SMARCAD1: variants seen among roughly 807,000 people sequenced by gnomAD.
SMARCAD1 encodes SNF2 related chromatin remodeling ATPase with DExD box 1.
A neutral mutation model predicts 127.1 loss-of-function variants in SMARCAD1; 25 were observed. That is an observed-to-expected ratio of 0.20 (90% confidence interval 0.14 to 0.27). The LOEUF (loss-of-function observed/expected upper bound fraction) is 0.27, where lower values mean the gene tolerates loss of function less well. Ranked by LOEUF, SMARCAD1 falls within the 10% of genes least tolerant of loss-of-function variation. The pLI, the probability that SMARCAD1 is intolerant of heterozygous loss-of-function variation, is 1.00. For synonymous variants in SMARCAD1, 400 were observed against 396.9 expected (o/e 1.01, Z -0.09); for missense variants, 807 against 1,206.0 (o/e 0.67, Z 4.90).
intron 2 of SMARCAD1, among the ~76,000 whole-genome samples, chr4:94,217,886 A>C (rs1285568281): frequency 6.6e-6 from 1 of 152,222 alleles, no homozygotes; most frequent in Non-Finnish European, 1.5e-5. Flanking sequence ...TGTATTGCTT[A>C]TAGTAAGAGC....
At chr4:94,288,587 CAG>C (rs1755285828) in intron 23 of SMARCAD1, among the ~76,000 whole-genome samples, 1 of 151,666 alleles carries the variant, frequency 6.6e-6, no homozygotes, top group South Asian at 2.1e-4. Context: ...GTTTTTTTAA[CAG>C]AGAAAAGAAG....
At chr4:94,229,868 T>C (rs1202266863) in intron 3 of SMARCAD1, among the ~76,000 whole-genome samples, 3 of 151,858 alleles carry the variant, frequency 2.0e-5, no homozygotes, top group Non-Finnish European at 4.4e-5. Context: ...ACAGGTCTTT[T>C]CTTTGCCTCT....
Position 94,280,743 on chromosome 4 carries a change from G to T in SMARCAD1, c.2570G>T (p.Arg857Leu). 6.2e-7 allele frequency: 1 copy of T among 1,613,580 alleles called. No homozygotes were observed. Among genetic ancestry groups the T allele is most frequent in the South Asian group, 1.1e-5 (1 of 91,034 alleles). The change falls in exon 20 of 24, where the codon CGA becomes CTA. Residue 857 changes from arginine (R) to leucine (L), a missense_variant. By Grantham distance (102) the Arg-to-Leu change is moderately radical. Transcript: ENST00000354268. ...MDLILDSGKF[R>L]VLGCILSELK... Reference sequence around the variant, plus strand: ...TTGATTTTAGATTCTGGAAAATTTCGAGTTTTAGGATGCATCTTGTCTGAA... The same window carrying T: ...TTGATTTTAGATTCTGGAAAATTTCTAGTTTTAGGATGCATCTTGTCTGAA...
rs1353447363 is a variant in SMARCAD1 at position 94,261,961 on chromosome 4, T to C, written c.1282-2746T>C. On this transcript the variant is annotated intron_variant, in intron 9 of 23. Transcript: ENST00000354268. ...CTTAACACTTCACTTTTTGAAATTA[T>C]TTCTTCCTTGGCTTCTCTGATACCA... Among the ~76,000 whole-genome samples the C allele has an allele frequency of 2.0e-5, 3 of 152,230 alleles. No individual in the cohort carries two copies. The East Asian group carries it at 5.8e-4, about 29-fold the overall frequency.
chr4:94,259,688 G>C (rs1318022126), intron 9 of SMARCAD1, among the ~76,000 whole-genome samples: 1 of 152,136 alleles, frequency 6.6e-6, no homozygotes, highest in East Asian at 1.9e-4. Context: ...GTTATTACAA[G>C]AAATTTAAGC....
chr4:94,247,010 T>A (rs1748532673), intron 6 of SMARCAD1, among the ~76,000 whole-genome samples: 4 of 152,220 alleles, frequency 2.6e-5, no homozygotes, highest in African/African-American at 9.6e-5. Flanking sequence ...TACTCTTAAA[T>A]ACTTGCAAGA....
intron 12 of SMARCAD1, 37 bp downstream of exon 12, chr4:94,273,753 C>T: frequency 6.6e-7 from 1 of 1,515,098 alleles, no homozygotes; most frequent in Non-Finnish European, 9.2e-7. Flanking sequence ...TTAACTTTAT[C>T]ATGTTTTATA....
At chr4:94,243,685 G>T (rs527330069) in intron 6 of SMARCAD1, among the ~76,000 whole-genome samples, 8 of 152,296 alleles carry the variant, frequency 5.3e-5, no homozygotes, top group Admixed American at 4.6e-4. Flanking sequence ...AGAAATAGTA[G>T]GTGATCATAG....
At chr4:94,235,187 C>T (rs796956946) in intron 4 of SMARCAD1, among the ~76,000 whole-genome samples, 2 of 146,900 alleles carry the variant, frequency 1.4e-5, no homozygotes, top group Non-Finnish European at 3.0e-5. Context: ...AGCAGTCACT[C>T]TCCAGTTTTG....
chr4:94,259,340 C>A (rs1750605520), intron 9 of SMARCAD1, among the ~76,000 whole-genome samples: 1 of 152,198 alleles, frequency 6.6e-6, no homozygotes, highest in Non-Finnish European at 1.5e-5. Context: ...TTTACTGTCA[C>A]AGCAGAATCT....
Position 94,289,462 on chromosome 4 carries a change from C to T in SMARCAD1, c.3020-11C>T. On this transcript the variant is annotated splice_polypyrimidine_tract_variant and intron_variant, in intron 23 of 23. Coordinates refer to ENST00000354268, the MANE Select transcript of SMARCAD1 (RefSeq NM_020159.5). ...TTTATAAAGCTTTTAATGCTACTTTCTGACCTACAGGTGATGAAGGGAGTA... is the reference window on the plus strand; with the variant it reads ...TTTATAAAGCTTTTAATGCTACTTTTTGACCTACAGGTGATGAAGGGAGTA... 1 of 1,608,696 alleles carries T rather than the reference C, an allele frequency of 6.2e-7. No individual in the cohort carries two copies.
At chr4:94,230,822 A>C (rs188707764) in intron 3 of SMARCAD1, among the ~76,000 whole-genome samples, 1 of 152,302 alleles carries the variant, frequency 6.6e-6, no homozygotes, top group African/African-American at 2.4e-5. Context: ...CAGTTGAAGA[A>C]GGTGAACAAA....
intron 6 of SMARCAD1, 111 bp downstream of exon 6, chr4:94,241,117 T>C: frequency 1.3e-6 from 1 of 749,984 alleles, no homozygotes; most frequent in South Asian, 1.5e-5. Context: ...TTCCTTTCTA[T>C]CACAACTAAG....
chr4:94,253,816 G>T, intron 9 of SMARCAD1: 1 of 542,860 alleles, frequency 1.8e-6, no homozygotes, highest in Non-Finnish European at 2.4e-6. Context: ...CTTAAATTTT[G>T]CTTCAACCCT....
Position 94,250,763 on chromosome 4 carries a change from A to G in SMARCAD1, c.819A>G (p.Glu273=). ...FPNFDKQELR[E]VLKEHEWMYT... The stretch of plus-strand genomic sequence containing the variant: ...TGACTTATTTCTAGGAACTTAGAGA[A>G]GTACTCAAGGAACATGAATGGATGT... The change falls in exon 8 of 24, where the codon GAA becomes GAG. Residue 273 remains glutamate (E), a synonymous_variant. Transcript: ENST00000354268. The G allele has an allele frequency of 6.3e-7, 1 of 1,597,052 alleles. No homozygotes were observed. The highest frequency in any genetic ancestry group is 8.5e-7 in the Non-Finnish European group (1 of 1,174,042).
At chr4:94,235,377 GCTAA>G (rs1746491353) in intron 4 of SMARCAD1, among the ~76,000 whole-genome samples, 1 of 150,984 alleles carries the variant, frequency 6.6e-6, no homozygotes, top group African/African-American at 2.4e-5. Context: ...TCCTTTTAAT[GCTAA>G]CTAATTTAAA....
chr4:94,253,274 C>G (rs77278686), intron 9 of SMARCAD1: 8 of 1,440,738 alleles, frequency 5.6e-6, no homozygotes, highest in Non-Finnish European at 7.4e-6. Context: ...ATAGAAACTT[C>G]GTTCATTTCA....
At chr4:94,242,296 C>T (rs551636130) in intron 6 of SMARCAD1, among the ~76,000 whole-genome samples, 1 of 151,970 alleles carries the variant, frequency 6.6e-6, no homozygotes, top group Non-Finnish European at 1.5e-5. Context: ...CCACCCACCT[C>T]GGCTTCCCAA....
intron 10 of SMARCAD1, 39 bp downstream of exon 10, chr4:94,264,945 A>C: frequency 1.8e-5 from 28 of 1,543,180 alleles, no homozygotes; most frequent in Middle Eastern, 1.8e-4. Context: ...ATTTTATCTC[A>C]ATTATACAAA....
Sources: gnomAD v4.1 joint callset for allele counts (sites outside exome capture counted in the v4.1 genomes callset) on GRCh38, gnomAD v4.1.1 for gene constraint, MANE v1.5 for transcripts, NCBI Gene and HGNC (gene_info 2026-07-23, HGNC 2026-07-21) for gene names.